Variants in ADGRB1 observed in about 807,000 individuals in gnomAD.
The protein encoded by ADGRB1 is brain-specific angiogenesis inhibitor 1.
In ADGRB1, 36 loss-of-function variants were observed where a neutral mutation model predicts 175.7. The observed-to-expected ratio is 0.20, with a 90% CI of 0.16 to 0.27. The LOEUF is 0.27. Ranked by LOEUF, ADGRB1 falls within the 10% of genes least tolerant of loss-of-function variation. The pLI, the probability that ADGRB1 is intolerant of heterozygous loss-of-function variation, is 1.00. For synonymous variants in ADGRB1, 1,054 were observed against 979.4 expected (o/e 1.08, Z -1.42); for missense variants, 1,731 against 2,255.3 (o/e 0.77, Z 4.71).
At chr8:142,494,628 A>T (rs184275548) in intron 17 of ADGRB1, among the ~76,000 whole-genome samples, 11 of 151,918 alleles carry the variant, frequency 7.2e-5, no homozygotes, top group East Asian at 3.9e-4. Flanking sequence ...TCAACACTCA[A>T]GCCCATGATG....
chr8:142,526,517 A>AAAGCCC, intron 23 of ADGRB1, 25 bp from the exon 24 acceptor site: 4 of 732,980 alleles, frequency 5.5e-6, no homozygotes, highest in Non-Finnish European at 6.2e-6. Context: ...CCACCCCCAC[A>AAAGCCC]CCCCCACCAC....
At chr8:142,469,391 ATG>A (rs1462285541) in intron 2 of ADGRB1, among the ~76,000 whole-genome samples, 2 of 124,208 alleles carry the variant, frequency 1.6e-5, no homozygotes, top group Non-Finnish European at 3.4e-5. Context: ...GGGAGTGTGT[ATG>A]TGCACATGCA....
At chr8:142,496,440 G>A (rs1161323125) in intron 17 of ADGRB1, among the ~76,000 whole-genome samples, 1 of 152,144 alleles carries the variant, frequency 6.6e-6, no homozygotes, top group Non-Finnish European at 1.5e-5. Flanking sequence ...GGATACATGA[G>A]TGGATGAGTG....
In ADGRB1 at chr8:142,544,785, C is replaced by T. The variant is rs943494428; in HGVS notation, c.*368C>T. On this transcript the variant is annotated 3_prime_UTR_variant, in exon 31 of 31. Coordinates refer to ENST00000517894, the MANE Select transcript of ADGRB1 (RefSeq NM_001702.3). ...CTGCGGAGGAGCTGCCTGCTTGGCC[C>T]GGCCGGCCTGGCACCGTTTTTTAAA... 12 of 170,196 alleles carry T rather than the reference C, an allele frequency of 7.1e-5. No individual in the cohort carries two copies. The highest frequency in any genetic ancestry group is 1.2e-4 in the Non-Finnish European group (10 of 80,366). The allele number at this position is 170,196 out of a possible 1,614,324, so 10.5% of individuals were successfully genotyped here.
chr8:142,500,505 G>C (rs2131961776), intron 17 of ADGRB1, among the ~76,000 whole-genome samples: 1 of 151,316 alleles, frequency 6.6e-6, no homozygotes, highest in Non-Finnish European at 1.5e-5. Flanking sequence ...GCGGCTGCAG[G>C]GGTCCAGGCC....
At position 142,464,346 on chromosome 8, in the gene ADGRB1, A is replaced by G. The variant is rs1356377348; in HGVS notation, c.148A>G (p.Lys50Glu). The change falls in exon 2 of 31, where the codon AAG becomes GAG. Residue 50 changes from lysine to glutamate, a missense_variant. Physicochemically the swap from Lys to Glu is moderately conservative, Grantham distance 56 (BLOSUM62 1). Around this residue, in one of 8 missense-constraint regions of ADGRB1, gnomAD observed 383 missense variants for 383.1 expected, o/e 1.00. Transcript: ENST00000517894. ...PEPCATLVQG[K>E]FFGYFSAAAV... ...GCCGTGCGCCACGCTGGTGCAGGGA[A>G]AGTTCTTCGGCTACTTCTCCGCGGC... is the stretch of plus-strand genomic sequence containing the variant. The G allele has an allele frequency of 3.3e-6, 5 of 1,512,570 alleles. No individual in the cohort carries two copies. In the East Asian group the frequency reaches 1.3e-4, roughly 40 times the overall value. The allele number at this position is 1,512,570 out of a possible 1,614,324, so 93.7% of individuals were successfully genotyped here.
intron 17 of ADGRB1, among the ~76,000 whole-genome samples, chr8:142,499,906 A>G (rs544728909): frequency 9.8e-6 from 1 of 102,280 alleles, no homozygotes; most frequent in South Asian, 4.1e-4. Flanking sequence ...GAATGGGGTC[A>G]CAGCAGGCTT....
intron 2 of ADGRB1, among the ~76,000 whole-genome samples, chr8:142,473,575 C>T (rs1291780070): frequency 6.6e-6 from 1 of 152,238 alleles, no homozygotes; most frequent in Non-Finnish European, 1.5e-5. Context: ...GCCCTTGTGC[C>T]CTGGAGGCCG....
chr8:142,487,682 T>G (rs1396611401), intron 13 of ADGRB1, among the ~76,000 whole-genome samples: 1 of 152,140 alleles, frequency 6.6e-6, no homozygotes, highest in Non-Finnish European at 1.5e-5. Flanking sequence ...CCAAACTCTC[T>G]TCCCGTCCAG....
chr8:142,524,567 T>C (rs186435555), intron 23 of ADGRB1, among the ~76,000 whole-genome samples: 164 of 152,306 alleles, frequency 1.1e-3, no homozygotes, highest in African/African-American at 3.9e-3. Context: ...GCCAGCTGTG[T>C]ACCTGCCAGG....
rs1313155424 is a variant in ADGRB1 at position 142,493,015 on chromosome 8, C to T, written c.2675+2200C>T. 6.6e-6 allele frequency among the ~76,000 whole-genome samples: 1 copy of T among 152,038 alleles called. No individual in the cohort carries two copies. Among genetic ancestry groups the T allele is most frequent in the Non-Finnish European group, 1.5e-5 (1 of 67,990 alleles). On this transcript the variant is annotated intron_variant, in intron 17 of 30. Coordinates refer to ENST00000517894, the MANE Select transcript of ADGRB1 (RefSeq NM_001702.3). This position sits in a 1 kb window ranked among gnomAD's most constrained non-coding sequence, Gnocchi z 5.0. ...GCCTTCAGGAGCCTTCCCTCTCTACCAGCATAAATGCCAGCGTGACCAGCG... is the reference window on the plus strand; with the variant it reads ...GCCTTCAGGAGCCTTCCCTCTCTACTAGCATAAATGCCAGCGTGACCAGCG...
intron 2 of ADGRB1, among the ~76,000 whole-genome samples, chr8:142,468,453 C>T (rs572747366): frequency 4.6e-5 from 7 of 152,168 alleles, no homozygotes; most frequent in Non-Finnish European, 7.3e-5. Flanking sequence ...GGTGGAATGT[C>T]GTCTCCTAGG....
At chr8:142,481,424 C>A (rs939141697) in intron 10 of ADGRB1, 64 bp downstream of exon 10, 1 of 1,602,392 alleles carries the variant, frequency 6.2e-7, no homozygotes, top group East Asian at 2.2e-5. Context: ...CAGGTTGGGA[C>A]CCTGCAGAGG....
chr8:142,524,289 C>T lies in ADGRB1; in HGVS notation c.3297C>T (p.Ala1099=), dbSNP rs112471383. 46,609 of 1,599,874 alleles carry T rather than the reference C, an allele frequency of 0.029. 796 individuals carry two copies. Among genetic ancestry groups the T allele is most frequent in the Non-Finnish European group, 0.035 (40,958 of 1,178,472 alleles). The change falls in exon 23 of 31, where the codon GCC becomes GCT. Residue 1099 remains alanine, a synonymous_variant. Coordinates refer to ENST00000517894, the MANE Select transcript of ADGRB1 (RefSeq NM_001702.3). The stretch of plus-strand genomic sequence containing the variant: ...TGCTCTATGCCTTCGTGGGACCTGC[C>T]GCTGCCGTTGTGCTGGTACTGACCC... ...GGLLYAFVGP[A]AAVVLVNMVI...
Position 142,526,451 on chromosome 8 carries a change from G to A in ADGRB1, c.3313-91G>A. On this transcript the variant is annotated intron_variant, in intron 23 of 30. Coordinates refer to ENST00000517894, the MANE Select transcript of ADGRB1 (RefSeq NM_001702.3). ...ACCCTGGGTGGGGTAGGGGGTCGTG[G>A]TTGGCGTAGCCAGCATCGGTCCGGC... 4.1e-6 allele frequency: 5 copies of A among 1,220,250 alleles called. No individual in the cohort carries two copies. The South Asian group carries it at 6.5e-5, about 16-fold the overall frequency. 75.6% of individuals were successfully genotyped at this position (1,220,250 alleles called of 1,614,324 possible).
Position 142,543,840 on chromosome 8 carries a change from G to A in ADGRB1, c.4557+132G>A, listed in dbSNP as rs577459934. 13 of 971,836 alleles carry A rather than the reference G, an allele frequency of 1.3e-5. No homozygotes were observed. The highest frequency in any genetic ancestry group is 1.1e-4 in the East Asian group (4 of 38,030). 60.2% of individuals were successfully genotyped at this position (971,836 alleles called of 1,614,324 possible). ...CATTCGTTCATTCATTCATTCATTC[G>A]CCCATCCCTGAGGGCTGGCCTGACC... On this transcript the variant is annotated intron_variant, in intron 30 of 30. Coordinates refer to ENST00000517894, the MANE Select transcript of ADGRB1 (RefSeq NM_001702.3). This position sits in a 1 kb window ranked among gnomAD's most constrained non-coding sequence, Gnocchi z 4.4.
chr8:142,472,954 G>T (rs1840746035), intron 2 of ADGRB1, among the ~76,000 whole-genome samples: 1 of 152,086 alleles, frequency 6.6e-6, no homozygotes, highest in East Asian at 1.9e-4. Context: ...TGGGGGCAGG[G>T]TGATCCATCC....
At chr8:142,517,852 T>C (rs1456468141) in intron 18 of ADGRB1, among the ~76,000 whole-genome samples, 1 of 152,070 alleles carries the variant, frequency 6.6e-6, no homozygotes, top group East Asian at 1.9e-4. Flanking sequence ...TTCCGAGACA[T>C]GATGGCAGCA....
chr8:142,522,772 C>T, intron 22 of ADGRB1, 62 bp downstream of exon 22: 9 of 1,387,446 alleles, frequency 6.5e-6, no homozygotes, highest in Non-Finnish European at 8.5e-6. Flanking sequence ...CTTCCACCGC[C>T]CTGGAGGGTG....
Sources: allele counts gnomAD v4.1 joint callset (sites outside exome capture counted in the v4.1 genomes callset), GRCh38; gene constraint gnomAD v4.1.1; regional missense constraint gnomAD v4.1.1; non-coding constraint Gnocchi (gnomAD v3.1); transcripts MANE v1.5; gene names NCBI Gene and HGNC (gene_info 2026-07-23, HGNC 2026-07-21).